Variants in RPAIN observed in about 807,000 individuals in gnomAD.
RPAIN encodes RPA-interacting protein.
Under a neutral mutation model 30.5 loss-of-function variants are expected in RPAIN, and 29 were observed. That is an observed-to-expected ratio of 0.95 (90% CI 0.71 to 1.30). RPAIN has a LOEUF of 1.30. Among genes scored for constraint, RPAIN ranks in the 50% most tolerant of loss-of-function variants. The pLI is 0.00. For synonymous variants in RPAIN, 101 were observed against 93.5 expected (o/e 1.08, Z -0.46); for missense variants, 247 against 264.7 (o/e 0.93, Z 0.46).
At chr17:5,420,606 T>G (rs1328197125) in intron 1 of RPAIN, among the ~76,000 whole-genome samples, 1 of 151,330 alleles carries the variant, frequency 6.6e-6, no homozygotes, top group Non-Finnish European at 1.5e-5. Context: ...GTTCGTCTTG[T>G]GAGATAGAGA....
chr17:5,432,807 C>A lies in RPAIN; in HGVS notation c.*236C>A. The stretch of plus-strand genomic sequence containing the variant: ...GGAGATAAACCAATTTTATGTCTAT[C>A]ATGTTATACAAAAATCTAGAAATAA... On this transcript the variant is annotated 3_prime_UTR_variant, in exon 7 of 7. Coordinates refer to ENST00000381209, the MANE Select transcript of RPAIN (RefSeq NM_001033002.4). 1.2e-6 allele frequency: 1 copy of A among 823,220 alleles called. No homozygotes were observed. The highest frequency in any genetic ancestry group is 1.8e-6 in the Non-Finnish European group (1 of 557,328). 51.0% of individuals were successfully genotyped at this position (823,220 alleles called of 1,614,324 possible). A position where few individuals can be genotyped will look rare whatever the true frequency, so the allele number is the denominator to read the frequency against.
At chr17:5,431,623 CA>C in intron 6 of RPAIN, 1 of 456,496 alleles carries the variant, frequency 2.2e-6, no homozygotes. Context: ...AATCAAGGAC[CA>C]TTGTGTTAGA....
At chr17:5,427,695 G>A in intron 5 of RPAIN, 1 of 215,530 alleles carries the variant, frequency 4.6e-6, no homozygotes, top group Non-Finnish European at 9.4e-6. Context: ...CTGAGTTACA[G>A]TAGGAAGTTC....
At chr17:5,428,453 G>A in intron 6 of RPAIN, 1 of 1,436,562 alleles carries the variant, frequency 7.0e-7, no homozygotes, top group Non-Finnish European at 9.1e-7. Flanking sequence ...AGGACGCCTG[G>A]CTCCACACCT....
intron 6 of RPAIN, chr17:5,431,713 G>T: frequency 2.2e-6 from 1 of 447,830 alleles, no homozygotes; most frequent in South Asian, 1.6e-5. Context: ...GGTTACAGAA[G>T]ATTGCACTCT....
chr17:5,423,973 A>T (rs1370020169), intron 3 of RPAIN, among the ~76,000 whole-genome samples: 3 of 149,304 alleles, frequency 2.0e-5, no homozygotes, highest in Non-Finnish European at 4.4e-5. Flanking sequence ...ACAAGACAAA[A>T]AATTATTTTA....
chr17:5,431,039 G>A (rs919638608), intron 6 of RPAIN: 4 of 203,150 alleles, frequency 2.0e-5, no homozygotes, highest in African/African-American at 9.5e-5. Flanking sequence ...TCAGTGCCCT[G>A]TGGCTCAGAG....
chr17:5,432,028 T>C, intron 6 of RPAIN: 1 of 237,920 alleles, frequency 4.2e-6, no homozygotes, highest in Admixed American at 5.2e-5. Context: ...TTCCTTAGCA[T>C]AGTGGAGAGG....
At chr17:5,428,454 C>T in intron 6 of RPAIN, 2 of 1,435,418 alleles carry the variant, frequency 1.4e-6, no homozygotes, top group Non-Finnish European at 1.8e-6. Flanking sequence ...GGACGCCTGG[C>T]TCCACACCTG....
chr17:5,426,807 A>ATT, intron 5 of RPAIN: 1 of 147,480 alleles, frequency 6.8e-6, no homozygotes, highest in Non-Finnish European at 1.5e-5. Context: ...CGCCCGGCTA[A>ATT]TTTTTTTTTT....
intron 6 of RPAIN, chr17:5,429,673 T>C: frequency 2.0e-6 from 2 of 985,474 alleles, no homozygotes; most frequent in South Asian, 9.4e-5. Flanking sequence ...TACAAGCATA[T>C]GTTCCCTTCT....
intron 5 of RPAIN, chr17:5,426,982 CATG>C (rs1251277059): frequency 6.6e-6 from 1 of 152,076 alleles, no homozygotes; most frequent in African/African-American, 2.4e-5. Flanking sequence ...TTTTATCTGG[CATG>C]ATGGGGACTG....
chr17:5,430,954 G>A (rs534688757), intron 6 of RPAIN: 2 of 159,366 alleles, frequency 1.3e-5, no homozygotes, highest in African/African-American at 2.4e-5. Context: ...AGTGGAAGAT[G>A]GCCTAATTGC....
Position 5,432,629 on chromosome 17 carries a change from A to T in RPAIN, c.*58A>T. 1 of 1,436,476 alleles carries T rather than the reference A, an allele frequency of 7.0e-7. No homozygotes were observed. Among genetic ancestry groups the T allele is most frequent in the Non-Finnish European group, 9.8e-7 (1 of 1,021,244 alleles). 89.0% of individuals were successfully genotyped at this position (1,436,476 alleles called of 1,614,324 possible). A position where few individuals can be genotyped will look rare whatever the true frequency, so the allele number is the denominator to read the frequency against. On this transcript the variant is annotated 3_prime_UTR_variant, in exon 7 of 7. Transcript: ENST00000381209. ...TGAAGACAACTCATTCCCTCTGAGGAGCCTTGTACATACAAGCCTTTTATT... is the reference window on the plus strand; with the variant it reads ...TGAAGACAACTCATTCCCTCTGAGGTGCCTTGTACATACAAGCCTTTTATT...
chr17:5,427,983 G>A (rs916800114), intron 5 of RPAIN, 88 bp from the exon 6 acceptor site: 32 of 1,319,990 alleles, frequency 2.4e-5, no homozygotes, highest in Admixed American at 3.4e-5. Flanking sequence ...AGTGAGCCAC[G>A]GTTATATTGG....
intron 3 of RPAIN, among the ~76,000 whole-genome samples, chr17:5,424,799 T>A (rs1376385666): frequency 6.6e-6 from 1 of 152,260 alleles, no homozygotes; most frequent in African/African-American, 2.4e-5. Flanking sequence ...TGCTGTCGAC[T>A]CTGGTTAGAC....
intron 6 of RPAIN, 162 bp from the exon 7 acceptor site, chr17:5,432,378 CAA>C: frequency 3.1e-6 from 2 of 645,730 alleles, no homozygotes; most frequent in East Asian, 2.7e-5. Context: ...CCAGCAATGC[CAA>C]AGAGGGGCGG....
At chr17:5,423,664 G>A (rs953931526) in intron 3 of RPAIN, among the ~76,000 whole-genome samples, 1 of 152,210 alleles carries the variant, frequency 6.6e-6, no homozygotes, top group African/African-American at 2.4e-5. Context: ...CTTGAGGGAG[G>A]TGTCCATAGC....
intron 3 of RPAIN, among the ~76,000 whole-genome samples, chr17:5,425,701 C>T (rs1273829069): frequency 6.6e-6 from 1 of 152,116 alleles, no homozygotes; most frequent in Non-Finnish European, 1.5e-5. Context: ...TGTATCTGTG[C>T]TCCTATGGCC....
Sources: allele counts gnomAD v4.1 joint callset (sites outside exome capture counted in the v4.1 genomes callset), GRCh38; gene constraint gnomAD v4.1.1; transcripts MANE v1.5; gene names NCBI Gene and HGNC (gene_info 2026-07-23, HGNC 2026-07-21).